The following CSMD2 variants were observed in gnomAD, a reference collection of about 807,000 sequenced individuals.
The protein encoded by CSMD2 is CUB and sushi domain-containing protein 2.
CSMD2 carries 130 observed loss-of-function variants against 398.5 expected under a neutral mutation model. The ratio of observed to expected loss-of-function variants is 0.33; its 90% CI spans 0.28 to 0.38. CSMD2 has a LOEUF of 0.38. CSMD2 is among the 10% of genes least tolerant of loss of function. The pLI, the probability that CSMD2 is intolerant of heterozygous loss-of-function variation, is 1.00. For synonymous variants in CSMD2, 1,828 were observed against 1,908.5 expected (o/e 0.96, Z 1.10); for missense variants, 3,829 against 4,764.9 (o/e 0.80, Z 5.78).
At chr1:33,827,292 A>C (rs137928525) in intron 6 of CSMD2, among the ~76,000 whole-genome samples, 131 of 152,310 alleles carry the variant, frequency 8.6e-4, no homozygotes, top group African/African-American at 3.0e-3. Context: ...TGCAAGACCA[A>C]TCTGTTCTCC....
chr1:34,015,593 G>A (rs1266703225), intron 3 of CSMD2, among the ~76,000 whole-genome samples: 3 of 152,176 alleles, frequency 2.0e-5, no homozygotes, highest in African/African-American at 7.2e-5. Flanking sequence ...ACAAAGGGCT[G>A]TAGGGGTTCC....
chr1:33,825,806 A>G (rs747968177), intron 6 of CSMD2, 32 bp from the exon 7 acceptor site: 3 of 1,573,482 alleles, frequency 1.9e-6, no homozygotes, highest in Non-Finnish European at 2.6e-6. Context: ...AAACAATGTG[A>G]GTTGTTGCCT....
intron 6 of CSMD2, chr1:33,839,740 A>G (rs1445058855): frequency 1.3e-5 from 2 of 152,250 alleles, no homozygotes; most frequent in Non-Finnish European, 2.9e-5. Context: ...ACAATTGAAA[A>G]AGATATCATT....
chr1:34,028,212 T>C (rs1570867506), intron 3 of CSMD2, among the ~76,000 whole-genome samples: 1 of 152,018 alleles, frequency 6.6e-6, no homozygotes, highest in South Asian at 2.1e-4. Context: ...TCCCAGCTAC[T>C]TCAGGGGCTG....
Position 33,792,486 on chromosome 1 carries a change from C to T in CSMD2, c.1487G>A (p.Gly496Asp). The change falls in exon 11 of 71, where the codon GGC (glycine) becomes GAC (aspartate). Residue 496 changes from glycine to aspartate, a missense_variant. Around this residue, in one of 5 missense-constraint regions of CSMD2, gnomAD observed 2,001 missense variants for 2,567.1 expected, o/e 0.78. Transcript: ENST00000373381. ...LAFEEFDLER[G>D]YDTLTVGDGG... ...ATCACCGACCGTCAGGGTGTCATAG[C>T]CCCTCTCCAAATCAAACTCCTCAAA... 1 of 1,614,046 alleles carries T rather than the reference C, an allele frequency of 6.2e-7. No individual in the cohort carries two copies. The highest frequency in any genetic ancestry group is 8.5e-7 in the Non-Finnish European group (1 of 1,179,974).
chr1:33,870,116 G>A (rs961958141), intron 5 of CSMD2: 4 of 152,156 alleles, frequency 2.6e-5, no homozygotes, highest in African/African-American at 9.7e-5. Context: ...TAGGAAGTCA[G>A]GTCTGTGGAT....
intron 5 of CSMD2, chr1:33,862,962 T>C (rs979003833): frequency 1.3e-5 from 2 of 152,222 alleles, no homozygotes; most frequent in Non-Finnish European, 2.9e-5. Context: ...GCTCAGCTGC[T>C]GAGACCACAT....
At chr1:33,620,746 G>A (rs1641713499) in intron 37 of CSMD2, among the ~76,000 whole-genome samples, 1 of 150,366 alleles carries the variant, frequency 6.7e-6, no homozygotes, top group Non-Finnish European at 1.5e-5. Flanking sequence ...GCTGGAAGGA[G>A]TCTCAGAGGT....
intron 10 of CSMD2, among the ~76,000 whole-genome samples, chr1:33,808,642 G>C (rs903147967): frequency 1.3e-5 from 2 of 151,780 alleles, no homozygotes; most frequent in East Asian, 3.9e-4. Flanking sequence ...AAATCAGATT[G>C]AAAAATAATG....
chr1:33,519,614 T>G lies in CSMD2; in HGVS notation c.10800A>C (p.Thr3600=). The change falls in exon 70 of 71, where the codon ACA becomes ACC. Residue 3600 remains threonine, a synonymous_variant. Transcript: ENST00000373381. This position sits in a 1 kb window ranked among gnomAD's most constrained non-coding sequence, Gnocchi z 5.6. ...AGHENTNVRA[T]FENPMYDRNI... is the part of the protein sequence containing the mutation. ...TGCGGTCGTACATTGGGTTCTCAAA[T>G]GTGGCCCGAACATTGGTGTTCTCGT... 1 of 1,614,020 alleles carries G rather than the reference T, an allele frequency of 6.2e-7. No homozygotes were observed. Among genetic ancestry groups the G allele is most frequent in the South Asian group, 1.1e-5 (1 of 91,068 alleles).
chr1:33,979,674 C>T (rs1380378485), intron 3 of CSMD2, among the ~76,000 whole-genome samples: 1 of 151,296 alleles, frequency 6.6e-6, no homozygotes, highest in South Asian at 2.1e-4. Flanking sequence ...GTTGCCTTCA[C>T]TGGAAAAGCT....
At chr1:33,961,111 A>C (rs2125396127) in intron 3 of CSMD2, among the ~76,000 whole-genome samples, 1 of 152,356 alleles carries the variant, frequency 6.6e-6, no homozygotes, top group Non-Finnish European at 1.5e-5. Context: ...TGCCAGCTGT[A>C]GTCACACTTT....
chr1:33,790,312 G>A (rs569078687), intron 11 of CSMD2, among the ~76,000 whole-genome samples: 7 of 152,280 alleles, frequency 4.6e-5, no homozygotes, highest in South Asian at 2.1e-4. Context: ...CACTGAAATC[G>A]ACAGACTGAG....
At chr1:33,859,015 A>G (rs1639297113) in intron 5 of CSMD2, among the ~76,000 whole-genome samples, 2 of 152,254 alleles carry the variant, frequency 1.3e-5, no homozygotes, top group South Asian at 4.2e-4. Context: ...TAAAACTTTC[A>G]CCCTCAAATG....
At chr1:33,790,695 C>G (rs901003766) in intron 11 of CSMD2, among the ~76,000 whole-genome samples, 1 of 143,252 alleles carries the variant, frequency 7.0e-6, no homozygotes, top group African/African-American at 2.9e-5. Flanking sequence ...ATCTATCTAT[C>G]TATCTATCAT....
At chr1:33,644,091 C>T (rs564078869) in intron 29 of CSMD2, among the ~76,000 whole-genome samples, 2 of 152,244 alleles carry the variant, frequency 1.3e-5, no homozygotes, top group East Asian at 3.9e-4. Flanking sequence ...CCCCTCTCTC[C>T]AGTAATTGGC....
In CSMD2 at chr1:33,836,119, G is replaced by A. The variant is rs371468112; in HGVS notation, c.1034-10345C>T. 4.3e-3 allele frequency among the ~76,000 whole-genome samples: 650 copies of A among 152,328 alleles called. 6 individuals are homozygous for A. Among genetic ancestry groups the A allele is most frequent in the African/African-American group, 0.013 (543 of 41,564 alleles). The stretch of plus-strand genomic sequence containing the variant: ...AGCTGCAGGTGTGTTGGTGTTTGCC[G>A]GAGGTCCACTCCAGACCCTGTTTGC... On this transcript the variant is annotated intron_variant, in intron 6 of 70. Transcript: ENST00000373381.
intron 10 of CSMD2, among the ~76,000 whole-genome samples, chr1:33,793,012 C>A (rs896278813): frequency 6.6e-6 from 1 of 152,110 alleles, no homozygotes; most frequent in East Asian, 1.9e-4. Flanking sequence ...GAGATTTCAA[C>A]AAGATTCCCC....
chr1:33,607,506 G>C (rs902097705), intron 41 of CSMD2, among the ~76,000 whole-genome samples: 1 of 152,198 alleles, frequency 6.6e-6, no homozygotes, highest in Non-Finnish European at 1.5e-5. Context: ...CGCTCCGTAC[G>C]GCGGAGGAAG....
Sources: allele counts gnomAD v4.1 joint callset (sites outside exome capture counted in the v4.1 genomes callset), GRCh38; gene constraint gnomAD v4.1.1; regional missense constraint gnomAD v4.1.1; non-coding constraint Gnocchi (gnomAD v3.1); transcripts MANE v1.5; gene names NCBI Gene and HGNC (gene_info 2026-07-23, HGNC 2026-07-21).